The following SMARCD1 variants were observed in gnomAD, a reference collection of about 807,000 sequenced individuals.
The protein encoded by SMARCD1 is SWI/SNF-related matrix-associated actin-dependent regulator of chromatin subfamily D member 1.
In SMARCD1, 16 loss-of-function variants were observed where a neutral mutation model predicts 70.8. The ratio of observed to expected loss-of-function variants is 0.23; its 90% confidence interval spans 0.15 to 0.34. The LOEUF (loss-of-function observed/expected upper bound fraction) is 0.34, where lower values mean the gene tolerates loss of function less well. Ranked by LOEUF, SMARCD1 falls within the 10% of genes least tolerant of loss-of-function variation. SMARCD1 has a pLI of 1.00. For synonymous variants in SMARCD1, 249 were observed against 246.0 expected (o/e 1.01, Z -0.11); for missense variants, 409 against 655.5 (o/e 0.62, Z 4.11).
Position 50,090,327 on chromosome 12 carries a change from G to A in SMARCD1, c.960G>A (p.Trp320Ter). Residue 320 changes from tryptophan (W) to a stop codon, truncating the protein, a stop_gained, in exon 8 of 13, where the codon TGG becomes TGA. Coordinates refer to ENST00000394963, the MANE Select transcript of SMARCD1 (RefSeq NM_003076.5). LOFTEE classifies it high-confidence loss of function. ...QTRPVIIQAL[W>*]QYIKTHKLQD... ...GTCCAGTGATCATCCAAGCACTGTG[G>A]CAATATATTAAGACACATAAGCTCC... 1 of 1,614,132 alleles carries A rather than the reference G, an allele frequency of 6.2e-7. No homozygotes were observed. Among genetic ancestry groups the A allele is most frequent in the Non-Finnish European group, 8.5e-7 (1 of 1,180,004 alleles).
At chr12:50,090,926 G>A (rs1196410524) in intron 9 of SMARCD1, among the ~76,000 whole-genome samples, 12 of 139,360 alleles carry the variant, frequency 8.6e-5, no homozygotes, top group African/African-American at 3.0e-4. Context: ...CTGGGTTCAC[G>A]CCATTCTCCT....
Position 50,096,835 on chromosome 12 carries a change from C to T in SMARCD1, c.1270-15C>T, listed in dbSNP as rs371534943. On this transcript the variant is annotated splice_polypyrimidine_tract_variant and intron_variant, in intron 10 of 12. Transcript: ENST00000394963. ...TCTAGTTTGAAAATGGTATGAGCTT[C>T]GTTCTTCCTTTCAGATCCATGAGAC... The T allele has an allele frequency of 1.1e-5, 18 of 1,596,960 alleles. No individual in the cohort carries two copies. In the African/African-American group the frequency reaches 1.6e-4, roughly 14 times the overall value.
Position 50,090,381 on chromosome 12 carries a change from C to T in SMARCD1, c.1014C>T (p.Ile338=). 1.2e-6 allele frequency: 2 copies of T among 1,613,968 alleles called. No individual in the cohort carries two copies. Among genetic ancestry groups the T allele is most frequent in the South Asian group, 2.2e-5 (2 of 91,064 alleles). ...LQDPHEREFV[I]CDKYLQQIFE... ...ACCCTCACGAGCGGGAGTTTGTCATCTGTGACAAGTACCTGCAGCAGGTAA... is the reference window on the plus strand; with the variant it reads ...ACCCTCACGAGCGGGAGTTTGTCATTTGTGACAAGTACCTGCAGCAGGTAA... The change falls in exon 8 of 13, where the codon ATC becomes ATT. Residue 338 remains isoleucine (I), a synonymous_variant. Coordinates refer to ENST00000394963, the MANE Select transcript of SMARCD1 (RefSeq NM_003076.5).
intron 11 of SMARCD1, among the ~76,000 whole-genome samples, chr12:50,097,469 T>G (rs935475736): frequency 2.0e-5 from 3 of 152,034 alleles, no homozygotes; most frequent in Non-Finnish European, 4.4e-5. Flanking sequence ...GGAGAATTGC[T>G]TGAACCCAGG....
rs1228402742 is a variant in SMARCD1, at chr12:50,096,977, A to G, written c.1392+5A>G. On this transcript the variant is annotated splice_donor_5th_base_variant and intron_variant, in intron 11 of 12. Coordinates refer to ENST00000394963, the MANE Select transcript of SMARCD1 (RefSeq NM_003076.5). ...TCCCAGTGCAGGGACCTCAAGGTAA[A>G]GAACCTAGGAGAGGTCTGAAGGGAC... The G allele has an allele frequency of 1.2e-6, 2 of 1,609,290 alleles. No homozygotes were observed. Among genetic ancestry groups the G allele is most frequent in the Non-Finnish European group, 1.7e-6 (2 of 1,176,584 alleles).
At position 50,086,679 on chromosome 12, in the gene SMARCD1, A is replaced by G. The variant is rs759466953; in HGVS notation, c.408+16A>G. On this transcript the variant is annotated intron_variant, in intron 3 of 12. Transcript: ENST00000394963. Reference sequence around the variant, plus strand: ...ACCTCAAAGGGTGAGTCCAGGCTATATGTCTTCTGGAAAGTGTGGTGAGTT... The same window carrying G: ...ACCTCAAAGGGTGAGTCCAGGCTATGTGTCTTCTGGAAAGTGTGGTGAGTT... 1.2e-6 allele frequency: 2 copies of G among 1,614,058 alleles called. No individual in the cohort carries two copies. The highest frequency in any genetic ancestry group is 1.7e-5 in the Admixed American group (1 of 60,020).
intron 11 of SMARCD1, among the ~76,000 whole-genome samples, chr12:50,097,388 T>TA (rs1331055252): frequency 5.3e-5 from 8 of 151,298 alleles, no homozygotes; most frequent in Non-Finnish European, 1.0e-4. Flanking sequence ...CCGTCTCCAC[T>TA]AAAAATACAA....
In SMARCD1 at chr12:50,092,235, C is replaced by CTTTTTTTTT. The variant is rs60619880; in HGVS notation, c.1133+1659_1133+1667dup. ...TTCTTTTCTTTTCTTTTCTTTCTTT[C>CTTTTTTTTT]TTTTTTTTTTTTTTTTTTTTTTGAG... On this transcript the variant is annotated intron_variant, in intron 9 of 12. Coordinates refer to ENST00000394963, the MANE Select transcript of SMARCD1 (RefSeq NM_003076.5). Among the ~76,000 whole-genome samples, 296 of 91,124 alleles carry CTTTTTTTTT rather than the reference C, an allele frequency of 3.2e-3. 4 individuals are homozygous for CTTTTTTTTT. The highest frequency in any genetic ancestry group is 8.4e-3 in the East Asian group (23 of 2,742). The allele number at this position is 91,124 out of a possible 152,430, so 59.8% of individuals were successfully genotyped here. A position where few individuals can be genotyped will look rare whatever the true frequency, so the allele number is the denominator to read the frequency against.
chr12:50,094,781 A>G (rs937151690), intron 10 of SMARCD1, among the ~76,000 whole-genome samples: 7 of 152,128 alleles, frequency 4.6e-5, no homozygotes, highest in African/African-American at 1.7e-4. Flanking sequence ...GATTTGTGGA[A>G]TAGAGACCAT....
intron 9 of SMARCD1, among the ~76,000 whole-genome samples, chr12:50,090,976 C>A (rs1463490932): frequency 6.6e-6 from 1 of 151,844 alleles, no homozygotes; most frequent in Admixed American, 6.6e-5. Flanking sequence ...AGGCACCCGT[C>A]ACCACACCTG....
At chr12:50,086,443 A>C (rs1447022398) in intron 2 of SMARCD1, 95 bp downstream of exon 2, 2 of 1,202,904 alleles carry the variant, frequency 1.7e-6, no homozygotes, top group Non-Finnish European at 2.3e-6. Context: ...GTGCTGTGTC[A>C]GCAGATGGTG....
At chr12:50,087,242 C>A in intron 4 of SMARCD1, 121 bp from the exon 5 acceptor site, 1 of 1,222,004 alleles carries the variant, frequency 8.2e-7, no homozygotes, top group Non-Finnish European at 1.1e-6. Flanking sequence ...TCCACCCACC[C>A]AAGGGACTGG....
chr12:50,094,643 C>T, intron 10 of SMARCD1, 71 bp downstream of exon 10: 1 of 1,457,634 alleles, frequency 6.9e-7, no homozygotes. Flanking sequence ...CCTTTTGATT[C>T]TTAGTGTTCA....
Position 50,099,315 on chromosome 12 carries a change from C to T in SMARCD1, c.*315C>T. 1 of 512,548 alleles carries T rather than the reference C, an allele frequency of 2.0e-6. No individual in the cohort carries two copies. Among genetic ancestry groups the T allele is most frequent in the Admixed American group, 3.5e-5 (1 of 28,682 alleles). The allele number at this position is 512,548 out of a possible 1,614,324, so 31.8% of individuals were successfully genotyped here. ...TAATGAGTGCTTGGAATGGATTGGG[C>T]CTCAGGCCAGGTGGTCTTCAAGGGG... On this transcript the variant is annotated 3_prime_UTR_variant, in exon 13 of 13. Coordinates refer to ENST00000394963, the MANE Select transcript of SMARCD1 (RefSeq NM_003076.5).
rs373391634 is a variant in SMARCD1, at chr12:50,089,913, C to T, written c.801C>T (p.Thr267=). 1.1e-5 allele frequency: 17 copies of T among 1,614,020 alleles called. No individual in the cohort carries two copies. The Admixed American group carries it at 1.7e-4, about 16-fold the overall frequency. ...ACAGGACCGCCACTACCCAGGAGAC[C>T]GATGGCTTTCAGGTGAAGCGGCCGG... is the stretch of plus-strand genomic sequence containing the variant. ...EWHRTATTQE[T]DGFQVKRPGD... The change falls in exon 7 of 13, where the codon ACC becomes ACT. Residue 267 remains threonine (T), a synonymous_variant. Coordinates refer to ENST00000394963, the MANE Select transcript of SMARCD1 (RefSeq NM_003076.5).
Position 50,087,402 on chromosome 12 carries a change from A to C in SMARCD1, c.571A>C (p.Asn191His). 1.2e-6 allele frequency: 2 copies of C among 1,614,078 alleles called. No individual in the cohort carries two copies. The highest frequency in any genetic ancestry group is 1.7e-6 in the Non-Finnish European group (2 of 1,179,974). ...KLRIFISNTF[N>H]PAKSDAEDGE... ...GCGAATTTTCATTTCTAACACTTTCAATCCGGCTAAGTCAGATGCCGAGGA... is the reference window on the plus strand; with the variant it reads ...GCGAATTTTCATTTCTAACACTTTCCATCCGGCTAAGTCAGATGCCGAGGA... Residue 191 changes from asparagine (N) to histidine (H), a missense_variant, in exon 5 of 13, where the codon AAT becomes CAT. Transcript: ENST00000394963.
intron 6 of SMARCD1, 106 bp downstream of exon 6, chr12:50,088,743 A>G: frequency 1.6e-6 from 1 of 614,930 alleles, no homozygotes; most frequent in Non-Finnish European, 2.9e-6. Context: ...TAGTCACTCT[A>G]GGTGTACACA....
chr12:50,086,479 T>TTGGTGGTGG lies in SMARCD1; in HGVS notation c.366-128_366-120dup, dbSNP rs143955263. 98 of 781,604 alleles carry TTGGTGGTGG rather than the reference T, an allele frequency of 1.3e-4. 1 individual carries two copies. The highest frequency in any genetic ancestry group is 1.7e-4 in the Non-Finnish European group (84 of 490,920). 48.4% of individuals were successfully genotyped at this position (781,604 alleles called of 1,614,324 possible). ...CTACAGAACTCATCCTTGAGAATGCTTGGTGGTGGTGGTGGTGGTGGTAGT... is the reference window on the plus strand; with the variant it reads ...CTACAGAACTCATCCTTGAGAATGCTTGGTGGTGGTGGTGGTGGTGGTGGTGGTGGTAGT... On this transcript the variant is annotated intron_variant, in intron 2 of 12. Coordinates refer to ENST00000394963, the MANE Select transcript of SMARCD1 (RefSeq NM_003076.5).
chr12:50,094,606 C>A (rs1218420580), intron 10 of SMARCD1, 34 bp downstream of exon 10: 1 of 1,600,296 alleles, frequency 6.2e-7, no homozygotes, highest in African/African-American at 1.4e-5. Context: ...TTGGGTACCA[C>A]CAGCCCCTAT....
Sources: gnomAD v4.1 joint callset for allele counts (sites outside exome capture counted in the v4.1 genomes callset) on GRCh38, gnomAD v4.1.1 for gene constraint, MANE v1.5 for transcripts, NCBI Gene and HGNC (gene_info 2026-07-23, HGNC 2026-07-21) for gene names.